Variants in NT5C2 observed in about 807,000 individuals in gnomAD.
NT5C2 encodes the protein cytosolic purine 5'-nucleotidase.
NT5C2 carries 58 observed loss-of-function variants against 76.1 expected under a neutral mutation model. That is an observed-to-expected ratio of 0.76 (90% CI 0.62 to 0.95). The LOEUF is 0.95. Among genes scored for constraint, NT5C2 ranks in the 40% least tolerant of loss-of-function variants. NT5C2 has a pLI of 0.00. For synonymous variants in NT5C2, 229 were observed against 237.4 expected, an observed-to-expected ratio of 0.96 and a Z score of 0.32; for missense variants, 478 against 690.3, an observed-to-expected ratio of 0.69 and a Z score of 3.45.
At chr10:103,126,956 T>C (rs1231825129) in intron 4 of NT5C2, among the ~76,000 whole-genome samples, 4 of 152,118 alleles carry the variant, frequency 2.6e-5, no homozygotes, top group Non-Finnish European at 5.9e-5. Context: ...GAACTACACA[T>C]ACCATCATGT....
Position 103,090,754 on chromosome 10 carries a change from T to A in NT5C2, c.1306A>T (p.Met436Leu). The A allele has an allele frequency of 2.5e-6, 4 of 1,614,156 alleles. No individual in the cohort carries two copies. Among genetic ancestry groups the A allele is most frequent in the Non-Finnish European group, 3.4e-6 (4 of 1,180,026 alleles). Reference protein sequence around the residue: ...VTHDMDMCYGMMGSLFRSGSR... With the variant: ...VTHDMDMCYGLMGSLFRSGSR... ...CCACTGCGAAACAGGCTTCCCATCA[T>A]CCCATAGCACATGTCCATGTCATGA... Residue 436 changes from methionine to leucine, a missense_variant, in exon 18 of 19, where the codon ATG becomes TTG. Transcript: ENST00000404739.
chr10:103,117,461 AC>A (rs1184558240), intron 4 of NT5C2, among the ~76,000 whole-genome samples: 3 of 152,210 alleles, frequency 2.0e-5, no homozygotes, highest in Admixed American at 2.0e-4. Context: ...CAACTGGGCA[AC>A]ACAGCAAGGC....
intron 14 of NT5C2, chr10:103,093,694 G>A: frequency 4.6e-6 from 2 of 438,630 alleles, no homozygotes; most frequent in South Asian, 8.5e-5. Flanking sequence ...AACATATTGA[G>A]AAGTACCCCC....
In NT5C2 at chr10:103,173,346, G is replaced by A. The variant is rs571276429; in HGVS notation, c.101+1512C>T. 1.1e-4 allele frequency among the ~76,000 whole-genome samples: 16 copies of A among 150,052 alleles called. No homozygotes were observed. The East Asian group carries it at 1.4e-3, about 13-fold the overall frequency. ...AATAATTTCATTCTTGGCCAGGCGC[G>A]GTGGCTCACGCCTGTAATCCCAGCA... On this transcript the variant is annotated intron_variant, in intron 3 of 18. Transcript: ENST00000404739.
chr10:103,107,010 C>A (rs1167324773), intron 4 of NT5C2, among the ~76,000 whole-genome samples: 1 of 152,096 alleles, frequency 6.6e-6, no homozygotes, highest in East Asian at 1.9e-4. Flanking sequence ...TTTATTCTTT[C>A]ATTCCCACAG....
intron 3 of NT5C2, among the ~76,000 whole-genome samples, chr10:103,174,191 G>A (rs1252887436): frequency 6.6e-6 from 1 of 152,026 alleles, no homozygotes; most frequent in Non-Finnish European, 1.5e-5. Flanking sequence ...GAGATCACTT[G>A]AGGCCAGGAG....
intron 3 of NT5C2, among the ~76,000 whole-genome samples, chr10:103,161,292 C>T (rs981047582): frequency 7.2e-5 from 11 of 152,136 alleles, no homozygotes; most frequent in African/African-American, 2.7e-4. Context: ...ATCCTCCCAC[C>T]TCAGCCTCTT....
intron 1 of NT5C2, among the ~76,000 whole-genome samples, chr10:103,183,325 AATT>A (rs2091525713): frequency 1.2e-5 from 1 of 81,088 alleles, no homozygotes; most frequent in Admixed American, 1.6e-4. Flanking sequence ...TCTTTCCTGA[AATT>A]ATTAGCTTTT....
At chr10:103,145,912 T>A (rs1591449855) in intron 3 of NT5C2, 1 of 232,578 alleles carries the variant, frequency 4.3e-6, no homozygotes, top group South Asian at 1.6e-4. Flanking sequence ...TAATATAATG[T>A]GCTTTAGAAA....
intron 4 of NT5C2, among the ~76,000 whole-genome samples, chr10:103,120,382 G>T (rs1013739093): frequency 1.3e-5 from 2 of 152,176 alleles, no homozygotes; most frequent in Admixed American, 1.3e-4. Context: ...TGCAAATTGT[G>T]TATCTGATGA....
At chr10:103,128,779 G>A (rs1231520509) in intron 4 of NT5C2, among the ~76,000 whole-genome samples, 1 of 47,632 alleles carries the variant, frequency 2.1e-5, no homozygotes, top group Non-Finnish European at 4.5e-5. Flanking sequence ...GAGGTGAGGA[G>A]CGTCTCTGCC....
At position 103,093,171 on chromosome 10, in the gene NT5C2, G is replaced by T; in HGVS notation, c.1127C>A (p.Ala376Glu). ...WRTFLVIPEL[A>E]QELHVWTDKS... ...GTCAGTCCAGACATGTAGCTCCTGT[G>T]CGAGTTCAGGAATCACCAAAAAAGT... The change falls in exon 15 of 19, where the codon GCA (alanine) becomes GAA (glutamate). Residue 376 changes from alanine to glutamate, a missense_variant. Ala to Glu is a moderately radical substitution (Grantham distance 107). Transcript: ENST00000404739. 6.2e-7 allele frequency: 1 copy of T among 1,609,914 alleles called. No homozygotes were observed. Among genetic ancestry groups the T allele is most frequent in the Non-Finnish European group, 8.5e-7 (1 of 1,178,358 alleles).
chr10:103,133,344 C>T (rs1375814904), intron 4 of NT5C2, among the ~76,000 whole-genome samples: 4 of 152,126 alleles, frequency 2.6e-5, no homozygotes, highest in Admixed American at 6.5e-5. Flanking sequence ...GTCAGCTCAC[C>T]GCAATCTCCA....
chr10:103,092,928 A>G (rs376707308), intron 15 of NT5C2, among the ~76,000 whole-genome samples: 14 of 152,350 alleles, frequency 9.2e-5, no homozygotes, highest in African/African-American at 3.1e-4. Context: ...AGATTCAAGA[A>G]GGTTAAACAA....
chr10:103,106,978 C>G (rs1210384996), intron 4 of NT5C2, among the ~76,000 whole-genome samples: 1 of 152,116 alleles, frequency 6.6e-6, no homozygotes, highest in Non-Finnish European at 1.5e-5. Flanking sequence ...TCTCAGGAAA[C>G]CTATTCCAAA....
At chr10:103,128,122 C>A (rs868013927) in intron 4 of NT5C2, among the ~76,000 whole-genome samples, 1 of 150,588 alleles carries the variant, frequency 6.6e-6, no homozygotes, top group South Asian at 2.2e-4. Context: ...CCCTCTCATG[C>A]GGAGCCGAAG....
At chr10:103,111,658 A>T in intron 4 of NT5C2, 1 of 852,944 alleles carries the variant, frequency 1.2e-6, no homozygotes, top group Non-Finnish European at 1.6e-6. Flanking sequence ...CACACTATGT[A>T]GTAATTTATA....
chr10:103,105,819 CATT>C lies in NT5C2; in HGVS notation c.294-21_294-19del. On this transcript the variant is annotated intron_variant, in intron 5 of 18. Coordinates refer to ENST00000404739, the MANE Select transcript of NT5C2 (RefSeq NM_001351169.2). ...CAAGTCCCCTATGTGAAAATGAAGA[CATT>C]ATTGATAATGCAAAGTAATACAGGC... is the stretch of plus-strand genomic sequence containing the variant. 1 of 1,550,218 alleles carries C rather than the reference CATT, an allele frequency of 6.5e-7. No individual in the cohort carries two copies. Among genetic ancestry groups the C allele is most frequent in the Non-Finnish European group, 8.9e-7 (1 of 1,122,734 alleles).
chr10:103,177,255 T>C (rs553550427), intron 2 of NT5C2, among the ~76,000 whole-genome samples: 1 of 152,346 alleles, frequency 6.6e-6, no homozygotes, highest in South Asian at 2.1e-4. Flanking sequence ...AAACATTCCA[T>C]CTAATTAGGA....
Sources: gnomAD v4.1 joint callset for allele counts (sites outside exome capture counted in the v4.1 genomes callset) on GRCh38, gnomAD v4.1.1 for gene constraint, MANE v1.5 for transcripts, NCBI Gene and HGNC (gene_info 2026-07-23, HGNC 2026-07-21) for gene names.